TAFA2: variants seen among roughly 807,000 people sequenced by gnomAD.
TAFA2 encodes chemokine-like protein TAFA-2.
Under a neutral mutation model 18.8 loss-of-function variants are expected in TAFA2, and 7 were observed. The observed-to-expected ratio is 0.37, with a 90% CI of 0.21 to 0.70. The LOEUF (loss-of-function observed/expected upper bound fraction) is 0.70, where lower values mean the gene tolerates loss of function less well. Among genes scored for constraint, TAFA2 ranks in the 30% least tolerant of loss-of-function variants. The probability of loss-of-function intolerance (pLI) is 0.53; values close to 1 mark genes in which losing one functional copy is unlikely to be tolerated. For missense variants in TAFA2, 122 were observed against 158.1 expected (o/e 0.77, Z 1.23); for synonymous variants, 60 against 54.2 (o/e 1.11, Z -0.47).
At chr12:61,973,409 TTTTTTA>T (rs1467662475) in intron 1 of TAFA2, among the ~76,000 whole-genome samples, 3 of 148,516 alleles carry the variant, frequency 2.0e-5, no homozygotes, top group Admixed American at 6.8e-5. Context: ...TTTTTTTTTT[TTTTTTA>T]GTTTTCATTA....
chr12:62,133,529 A>AATC (rs1212253635), intron 1 of TAFA2, among the ~76,000 whole-genome samples: 3 of 152,022 alleles, frequency 2.0e-5, no homozygotes, highest in African/African-American at 7.2e-5. Context: ...AGATTTCCTC[A>AATC]ATCATCCCAG....
chr12:62,048,563 G>T (rs1397875779), intron 1 of TAFA2, among the ~76,000 whole-genome samples: 1 of 152,020 alleles, frequency 6.6e-6, no homozygotes. Context: ...TTTTTTTCCT[G>T]ATTATATTTC....
rs557765202 is a variant in TAFA2 at position 61,717,666 on chromosome 12, C to T, written c.385-7249G>A. 3.3e-5 allele frequency among the ~76,000 whole-genome samples: 5 copies of T among 152,214 alleles called. No individual in the cohort carries two copies. In the South Asian group the frequency reaches 1.0e-3, roughly 32 times the overall value. ...TGGAAAGAGTAATTTCAAACAACAG[C>T]ATTTCTGTAGCTAACTGATTATATT... On this transcript the variant is annotated intron_variant, in intron 4 of 4. Coordinates refer to ENST00000416284, the MANE Select transcript of TAFA2 (RefSeq NM_178539.5).
chr12:61,717,134 C>T (rs1189281283), intron 4 of TAFA2, among the ~76,000 whole-genome samples: 1 of 152,120 alleles, frequency 6.6e-6, no homozygotes, highest in East Asian at 1.9e-4. Context: ...GCAATTAAAA[C>T]ATCATTACTC....
intron 1 of TAFA2, among the ~76,000 whole-genome samples, chr12:61,967,076 G>A (rs1162173013): frequency 1.3e-5 from 2 of 151,868 alleles, no homozygotes; most frequent in Non-Finnish European, 2.9e-5. Context: ...AAGGTAAGAA[G>A]TGATGAGAGA....
intron 2 of TAFA2, among the ~76,000 whole-genome samples, chr12:61,849,965 A>G (rs1257045799): frequency 6.6e-6 from 1 of 152,152 alleles, no homozygotes; most frequent in Non-Finnish European, 1.5e-5. Flanking sequence ...ATTATCATTA[A>G]TGACAAAAAA....
chr12:61,848,119 C>A (rs1873482869), intron 2 of TAFA2, among the ~76,000 whole-genome samples: 1 of 152,194 alleles, frequency 6.6e-6, no homozygotes, highest in South Asian at 2.1e-4. Flanking sequence ...TTTCTACTAA[C>A]AGGTGACACT....
At chr12:61,868,095 A>G (rs1409268616) in intron 1 of TAFA2, among the ~76,000 whole-genome samples, 1 of 152,188 alleles carries the variant, frequency 6.6e-6, no homozygotes, top group African/African-American at 2.4e-5. Context: ...TATTGAACTC[A>G]TAAAACTAGA....
intron 1 of TAFA2, among the ~76,000 whole-genome samples, chr12:62,128,870 T>G (rs1348083329): frequency 3.3e-5 from 5 of 152,112 alleles, no homozygotes; most frequent in Admixed American, 6.6e-5. Context: ...TAAGTCTGTA[T>G]AGTTGTAAAT....
At chr12:62,029,949 T>C (rs1881412177) in intron 1 of TAFA2, among the ~76,000 whole-genome samples, 1 of 152,046 alleles carries the variant, frequency 6.6e-6, no homozygotes, top group African/African-American at 2.4e-5. Context: ...AAAAACGATC[T>C]TAGAATTAAC....
intron 2 of TAFA2, among the ~76,000 whole-genome samples, chr12:61,851,503 G>A (rs1256200930): frequency 3.3e-5 from 5 of 151,896 alleles, no homozygotes; most frequent in East Asian, 2.0e-4. Flanking sequence ...CTGGCCGGGC[G>A]CGGTGGCTCA....
intron 1 of TAFA2, among the ~76,000 whole-genome samples, chr12:61,964,038 C>T (rs1365595424): frequency 6.6e-6 from 1 of 151,996 alleles, no homozygotes; most frequent in Non-Finnish European, 1.5e-5. Context: ...AAAACTAAAA[C>T]TCAACCCCTT....
At chr12:62,104,564 G>A (rs886242481) in intron 1 of TAFA2, among the ~76,000 whole-genome samples, 7 of 152,132 alleles carry the variant, frequency 4.6e-5, no homozygotes, top group African/African-American at 1.7e-4. Flanking sequence ...AAACCAAAAT[G>A]GAATGTGCAT....
At chr12:62,228,539 C>T (rs1484451495) in intron 1 of TAFA2, among the ~76,000 whole-genome samples, 2 of 152,174 alleles carry the variant, frequency 1.3e-5, no homozygotes, top group African/African-American at 4.8e-5. Context: ...TGCAACCTCA[C>T]CAACATCTGT....
At chr12:62,128,139 G>T (rs562192093) in intron 1 of TAFA2, among the ~76,000 whole-genome samples, 1 of 152,028 alleles carries the variant, frequency 6.6e-6, no homozygotes, top group Non-Finnish European at 1.5e-5. Context: ...TATCTCAGCA[G>T]TTTGTTCAGG....
intron 1 of TAFA2, among the ~76,000 whole-genome samples, chr12:61,943,738 C>G (rs1441023388): frequency 6.7e-6 from 1 of 149,600 alleles, no homozygotes; most frequent in African/African-American, 2.5e-5. Context: ...GGGATCAATT[C>G]AACAAGAGGA....
At chr12:61,957,911 A>G (rs1014728642) in intron 1 of TAFA2, among the ~76,000 whole-genome samples, 2 of 152,108 alleles carry the variant, frequency 1.3e-5, no homozygotes, top group Non-Finnish European at 2.9e-5. Context: ...AAGATGATGG[A>G]CAAATAGAAA....
chr12:61,925,137 G>A (rs879218924), intron 1 of TAFA2, among the ~76,000 whole-genome samples: 1 of 152,154 alleles, frequency 6.6e-6, no homozygotes, highest in African/African-American at 2.4e-5. Context: ...AATAATAGTG[G>A]GAGACATTAA....
intron 1 of TAFA2, among the ~76,000 whole-genome samples, chr12:62,066,655 T>C (rs1882496128): frequency 6.6e-6 from 1 of 152,018 alleles, no homozygotes; most frequent in Non-Finnish European, 1.5e-5. Flanking sequence ...TCTCATTCTT[T>C]TTATGGCTGA....
Sources: allele counts gnomAD v4.1 joint callset (sites outside exome capture counted in the v4.1 genomes callset), GRCh38; gene constraint gnomAD v4.1.1; transcripts MANE v1.5; gene names NCBI Gene and HGNC (gene_info 2026-07-23, HGNC 2026-07-21).